UBE2E2: variants seen among roughly 807,000 people sequenced by gnomAD.
UBE2E2 encodes ubiquitin-conjugating enzyme E2 E2.
In UBE2E2, 6 loss-of-function variants were observed where a neutral mutation model predicts 24.7. That is an observed-to-expected ratio of 0.24 (90% CI 0.13 to 0.48). UBE2E2 has a LOEUF of 0.48. UBE2E2 is among the 20% of genes least tolerant of loss of function. UBE2E2 has a pLI of 0.99. For synonymous variants in UBE2E2, 104 were observed against 83.6 expected, an observed-to-expected ratio of 1.24 and a Z score of -1.33; for missense variants, 169 against 245.0, an observed-to-expected ratio of 0.69 and a Z score of 2.07.
At chr3:23,414,425 T>C (rs553938813) in intron 3 of UBE2E2, among the ~76,000 whole-genome samples, 1 of 152,314 alleles carries the variant, frequency 6.6e-6, no homozygotes, top group Non-Finnish European at 1.5e-5. Context: ...ATTTGAGCTT[T>C]CAGAAACAGG....
intron 3 of UBE2E2, among the ~76,000 whole-genome samples, chr3:23,465,917 G>A (rs1217528397): frequency 6.6e-6 from 1 of 152,112 alleles, no homozygotes. Flanking sequence ...TCTAGCCTGA[G>A]AGCAATAGTC....
chr3:23,237,431 A>G lies in UBE2E2; in HGVS notation c.227+20119A>G, dbSNP rs573775133. Among the ~76,000 whole-genome samples the G allele has an allele frequency of 4.6e-5, 7 of 152,224 alleles. No individual in the cohort carries two copies. The South Asian group carries it at 1.0e-3, about 23-fold the overall frequency. On this transcript the variant is annotated intron_variant, in intron 3 of 5. Coordinates refer to ENST00000396703, the MANE Select transcript of UBE2E2 (RefSeq NM_152653.4). ...ATAAGTATCTTGTTACTTGTGTGTGACCCTAGATTGCTTGGTTGTCAGTAT... is the reference window on the plus strand; with the variant it reads ...ATAAGTATCTTGTTACTTGTGTGTGGCCCTAGATTGCTTGGTTGTCAGTAT...
intron 3 of UBE2E2, among the ~76,000 whole-genome samples, chr3:23,482,408 T>C (rs1278722409): frequency 6.6e-6 from 1 of 152,096 alleles, no homozygotes; most frequent in Non-Finnish European, 1.5e-5. Context: ...GTGTGGCTCA[T>C]CTCTTAAAAA....
At chr3:23,546,326 G>T (rs931287702) in intron 5 of UBE2E2, among the ~76,000 whole-genome samples, 45 of 152,076 alleles carry the variant, frequency 3.0e-4, no homozygotes, top group Non-Finnish European at 5.1e-4. Context: ...GTTGTTTAGA[G>T]AAACAAATAT....
intron 3 of UBE2E2, among the ~76,000 whole-genome samples, chr3:23,432,555 G>C (rs1046819841): frequency 1.3e-5 from 2 of 151,948 alleles, no homozygotes; most frequent in Non-Finnish European, 2.9e-5. Context: ...AATTCCTGCT[G>C]TCAGTCTCTC....
At chr3:23,512,086 C>T (rs527945577) in intron 4 of UBE2E2, among the ~76,000 whole-genome samples, 88 of 152,188 alleles carry the variant, frequency 5.8e-4, no homozygotes, top group Non-Finnish European at 8.2e-4. Flanking sequence ...AATTTCCAGT[C>T]CTGCAGCCCC....
chr3:23,231,979 G>T (rs193192181), intron 3 of UBE2E2, among the ~76,000 whole-genome samples: 1 of 152,288 alleles, frequency 6.6e-6, no homozygotes. Flanking sequence ...GCCTCCATGT[G>T]TTCAGCTGTC....
chr3:23,461,806 A>G (rs986115595), intron 3 of UBE2E2, among the ~76,000 whole-genome samples: 4 of 152,204 alleles, frequency 2.6e-5, no homozygotes, highest in South Asian at 2.1e-4. Flanking sequence ...AAGTTAACAT[A>G]TTCTGCTTGA....
chr3:23,224,547 C>T (rs9855305), intron 3 of UBE2E2, among the ~76,000 whole-genome samples: 18,149 of 49,816 alleles, frequency 0.36, 2,464 homozygotes, highest in African/African-American at 0.58. Context: ...GTTCTAACAG[C>T]TTTTTTTTTT....
intron 3 of UBE2E2, among the ~76,000 whole-genome samples, chr3:23,297,288 T>C (rs1197001941): frequency 2.0e-5 from 3 of 151,990 alleles, no homozygotes; most frequent in African/African-American, 7.3e-5. Context: ...TAGTTTCTTT[T>C]GCTGTGCAGA....
chr3:23,358,028 A>G (rs536945744), intron 3 of UBE2E2, among the ~76,000 whole-genome samples: 4 of 151,992 alleles, frequency 2.6e-5, no homozygotes, highest in African/African-American at 9.7e-5. Context: ...TAGAGATGGA[A>G]TTTCACCATT....
At chr3:23,533,749 A>G (rs531675385) in intron 5 of UBE2E2, among the ~76,000 whole-genome samples, 90 of 149,144 alleles carry the variant, frequency 6.0e-4, no homozygotes, top group African/African-American at 2.0e-3. Context: ...TAGCCCCCCA[A>G]GTAGCTGGGA....
At chr3:23,562,537 G>T (rs58471808) in intron 5 of UBE2E2, among the ~76,000 whole-genome samples, 80,306 of 151,548 alleles carry the variant, frequency 0.53, 21,754 homozygotes, top group East Asian at 0.73. Context: ...TCTCTTTTTT[G>T]GTTGTATCTC....
chr3:23,452,498 G>T (rs998604093), intron 3 of UBE2E2, among the ~76,000 whole-genome samples: 1 of 152,156 alleles, frequency 6.6e-6, no homozygotes, highest in Non-Finnish European at 1.5e-5. Context: ...AGAAAGTTTA[G>T]TGTAAAAGTC....
intron 4 of UBE2E2, among the ~76,000 whole-genome samples, chr3:23,521,198 A>G (rs1694855780): frequency 6.6e-6 from 1 of 152,230 alleles, no homozygotes; most frequent in Admixed American, 6.5e-5. Flanking sequence ...ATCTGTAAAT[A>G]TGCTGCGTCT....
At chr3:23,510,513 A>G (rs138200707) in intron 4 of UBE2E2, among the ~76,000 whole-genome samples, 1 of 152,160 alleles carries the variant, frequency 6.6e-6, no homozygotes, top group South Asian at 2.1e-4. Flanking sequence ...AGGCTGAGAC[A>G]TGAGAATTGC....
At chr3:23,378,009 C>A (rs1209087036) in intron 3 of UBE2E2, among the ~76,000 whole-genome samples, 1 of 151,836 alleles carries the variant, frequency 6.6e-6, no homozygotes, top group Non-Finnish European at 1.5e-5. Context: ...ACTCACAATA[C>A]CTAGTTTTGG....
intron 3 of UBE2E2, among the ~76,000 whole-genome samples, chr3:23,479,960 C>G (rs1575657307): frequency 6.6e-6 from 1 of 152,180 alleles, no homozygotes; most frequent in Admixed American, 6.5e-5. Flanking sequence ...GAAGTTCTCA[C>G]TCCAGGCTGC....
chr3:23,398,478 A>AT (rs1390067456), intron 3 of UBE2E2, among the ~76,000 whole-genome samples: 2 of 152,098 alleles, frequency 1.3e-5, no homozygotes, highest in Non-Finnish European at 2.9e-5. Context: ...AAGAATTCTG[A>AT]TTTTAAGGGA....
Sources: gnomAD v4.1 joint callset for allele counts (sites outside exome capture counted in the v4.1 genomes callset) on GRCh38, gnomAD v4.1.1 for gene constraint, MANE v1.5 for transcripts, NCBI Gene and HGNC (gene_info 2026-07-23, HGNC 2026-07-21) for gene names.